The following MYO3B variants were observed in gnomAD, a reference collection of about 807,000 sequenced individuals.
The protein encoded by MYO3B is myosin IIIB.
In MYO3B, 156 loss-of-function variants were observed where a neutral mutation model predicts 174.6. That is an observed-to-expected ratio of 0.89 (90% CI 0.78 to 1.02). The LOEUF (loss-of-function observed/expected upper bound fraction) is 1.02, where lower values mean the gene tolerates loss of function less well. Among genes scored for constraint, MYO3B ranks in the 50% least tolerant of loss-of-function variants. MYO3B has a pLI of 0.00. For synonymous variants in MYO3B, 563 were observed against 569.1 expected, an observed-to-expected ratio of 0.99 and a Z score of 0.15; for missense variants, 1,632 against 1,639.4, an observed-to-expected ratio of 1.00 and a Z score of 0.08.
intron 25 of MYO3B, among the ~76,000 whole-genome samples, chr2:170,469,880 A>G (rs1272176308): frequency 6.6e-6 from 1 of 152,086 alleles, no homozygotes; most frequent in African/African-American, 2.4e-5. Context: ...AGGAGGGTGG[A>G]TCACCTGAGG....
At chr2:170,329,342 G>A in intron 7 of MYO3B, among the ~76,000 whole-genome samples, 1 of 151,578 alleles carries the variant, frequency 6.6e-6, no homozygotes. Context: ...CTGATAATGG[G>A]GAGGAGACTG....
intron 7 of MYO3B, among the ~76,000 whole-genome samples, chr2:170,257,785 G>A (rs553142340): frequency 3.9e-5 from 6 of 152,088 alleles, no homozygotes; most frequent in African/African-American, 7.2e-5. Context: ...GAAACCAAAC[G>A]TTGGTTATTT....
intron 8 of MYO3B, among the ~76,000 whole-genome samples, chr2:170,364,773 G>A (rs2094186093): frequency 1.3e-5 from 2 of 152,142 alleles, no homozygotes; most frequent in East Asian, 3.8e-4. Context: ...GAAATGACAA[G>A]CCGACAAACT....
intron 22 of MYO3B, among the ~76,000 whole-genome samples, chr2:170,425,851 T>A (rs1227851416): frequency 6.6e-6 from 1 of 152,154 alleles, no homozygotes; most frequent in African/African-American, 2.4e-5. Context: ...TGAGCAAGAG[T>A]CTTGAATACT....
chr2:170,519,695 G>C, intron 30 of MYO3B, 155 bp downstream of exon 30: 1 of 627,480 alleles, frequency 1.6e-6, no homozygotes, highest in Non-Finnish European at 2.7e-6. Context: ...TCCAGGGCTG[G>C]GCGTGGTGGC....
intron 22 of MYO3B, among the ~76,000 whole-genome samples, chr2:170,432,110 G>C (rs183883011): frequency 5.1e-4 from 77 of 152,310 alleles, no homozygotes; most frequent in African/African-American, 1.8e-3. Flanking sequence ...ATGTGCTATA[G>C]TAGGCTTTTA....
chr2:170,273,881 G>A (rs2093443338), intron 7 of MYO3B, among the ~76,000 whole-genome samples: 2 of 152,302 alleles, frequency 1.3e-5, no homozygotes, highest in South Asian at 4.1e-4. Context: ...GAGAGGCCTG[G>A]AGACCCCACT....
chr2:170,389,239 G>A (rs1035197080), intron 14 of MYO3B, among the ~76,000 whole-genome samples: 1 of 152,204 alleles, frequency 6.6e-6, no homozygotes, highest in Non-Finnish European at 1.5e-5. Flanking sequence ...TCATCTAACT[G>A]TTGGGATTCA....
chr2:170,264,953 A>G (rs1334765156), intron 7 of MYO3B, among the ~76,000 whole-genome samples: 1 of 152,230 alleles, frequency 6.6e-6, no homozygotes, highest in Non-Finnish European at 1.5e-5. Flanking sequence ...AAATCAGGTT[A>G]AGCCAAAGGG....
chr2:170,341,860 C>T (rs891343687), intron 8 of MYO3B, among the ~76,000 whole-genome samples: 23 of 152,084 alleles, frequency 1.5e-4, no homozygotes, highest in African/African-American at 5.6e-4. Context: ...CTAAACACAC[C>T]AAGGGCCTGA....
intron 28 of MYO3B, among the ~76,000 whole-genome samples, chr2:170,503,419 A>T (rs1209108388): frequency 6.6e-6 from 1 of 151,276 alleles, no homozygotes; most frequent in Non-Finnish European, 1.5e-5. Flanking sequence ...AATGTTGCTC[A>T]GCGAAACTTT....
At chr2:170,534,508 T>C (rs1013080063) in intron 30 of MYO3B, among the ~76,000 whole-genome samples, 7 of 152,152 alleles carry the variant, frequency 4.6e-5, no homozygotes, top group Non-Finnish European at 4.4e-5. Context: ...TGCAGTGGAA[T>C]GATCTTGGCT....
chr2:170,611,208 G>A (rs887581730), intron 32 of MYO3B, among the ~76,000 whole-genome samples: 1 of 152,174 alleles, frequency 6.6e-6, no homozygotes, highest in Admixed American at 6.5e-5. Flanking sequence ...TCCTTATGAA[G>A]CGGAGATTTG....
chr2:170,211,891 A>G (rs1190220205), intron 3 of MYO3B, among the ~76,000 whole-genome samples: 2 of 152,020 alleles, frequency 1.3e-5, no homozygotes, highest in Non-Finnish European at 2.9e-5. Context: ...AAAACTTTAC[A>G]GAAAATATAA....
At chr2:170,594,821 GCGCGCGCACA>G (rs1559144425) in intron 32 of MYO3B, among the ~76,000 whole-genome samples, 1 of 129,678 alleles carries the variant, frequency 7.7e-6, no homozygotes, top group Non-Finnish European at 1.6e-5. Flanking sequence ...CTCTTTCCCA[GCGCGCGCACA>G]CACACACACA....
rs370819150 is a variant in MYO3B, at chr2:170,562,259, GT to G, written c.3733+18277del. Among the ~76,000 whole-genome samples, 1,271 of 152,250 alleles carry G rather than the reference GT, an allele frequency of 8.3e-3. 14 individuals carry two copies. Among genetic ancestry groups the G allele is most frequent in the African/African-American group, 0.029 (1,187 of 41,546 alleles). On this transcript the variant is annotated intron_variant, in intron 32 of 34. Coordinates refer to ENST00000408978, the MANE Select transcript of MYO3B (RefSeq NM_138995.5). ...AGTGTTATTGCTCTCTTTGAAAGCAGTTTTTTCCTGGTTCTCATTCATATCC... is the reference window on the plus strand; with the variant it reads ...AGTGTTATTGCTCTCTTTGAAAGCAGTTTTTCCTGGTTCTCATTCATATCC...
At chr2:170,288,115 G>T (rs1461974478) in intron 7 of MYO3B, among the ~76,000 whole-genome samples, 1 of 151,998 alleles carries the variant, frequency 6.6e-6, no homozygotes, top group South Asian at 2.1e-4. Flanking sequence ...TACTGTTTTG[G>T]TTGCTATAGA....
chr2:170,326,892 C>T (rs542189547), intron 7 of MYO3B, among the ~76,000 whole-genome samples: 28 of 152,254 alleles, frequency 1.8e-4, no homozygotes, highest in South Asian at 1.0e-3. Flanking sequence ...TCTGGGATGG[C>T]CTTTGAAGCA....
At chr2:170,596,699 GC>G (rs144633125) in intron 32 of MYO3B, among the ~76,000 whole-genome samples, 1 of 152,094 alleles carries the variant, frequency 6.6e-6, no homozygotes, top group Non-Finnish European at 1.5e-5. Flanking sequence ...ACCTCCCGCT[GC>G]CCCCCCAGGG....
Sources: gnomAD v4.1 joint callset for allele counts (sites outside exome capture counted in the v4.1 genomes callset) on GRCh38, gnomAD v4.1.1 for gene constraint, MANE v1.5 for transcripts, NCBI Gene and HGNC (gene_info 2026-07-23, HGNC 2026-07-21) for gene names.